The following POLB variants were observed in gnomAD, a reference collection of about 807,000 sequenced individuals.
POLB encodes 5'-dRP lyase.
A neutral mutation model predicts 52.7 loss-of-function variants in POLB; 37 were observed. The ratio of observed to expected loss-of-function variants is 0.70; its 90% CI spans 0.54 to 0.92. The LOEUF is 0.92. Among genes scored for constraint, POLB ranks in the 40% least tolerant of loss-of-function variants. The probability of loss-of-function intolerance (pLI) is 0.00; values close to 1 mark genes in which losing one functional copy is unlikely to be tolerated. For missense variants in POLB, 313 were observed against 400.8 expected (o/e 0.78, Z 1.87); for synonymous variants, 138 against 131.3 (o/e 1.05, Z -0.35).
chr8:42,345,052 C>G (rs367961767), intron 3 of POLB, 33 bp downstream of exon 3: 198 of 1,467,098 alleles, frequency 1.3e-4, no homozygotes, highest in Non-Finnish European at 1.8e-4. Context: ...TCGAAGAGTT[C>G]ACACGTGTCC....
rs139985822 is a variant in POLB at position 42,348,093 on chromosome 8, G to A, written c.187-923G>A. On this transcript the variant is annotated intron_variant, in intron 3 of 13. Coordinates refer to ENST00000265421, the MANE Select transcript of POLB (RefSeq NM_002690.3). Reference sequence around the variant, plus strand: ...CTCATTTACTACCCATGAAAGTGTTGGTTGTTACAGCCTTTCTGAAGGCTG... The same window carrying A: ...CTCATTTACTACCCATGAAAGTGTTAGTTGTTACAGCCTTTCTGAAGGCTG... Among the ~76,000 whole-genome samples, 4 of 152,264 alleles carry A rather than the reference G, an allele frequency of 2.6e-5. No individual in the cohort carries two copies. In the East Asian group the frequency reaches 7.7e-4, roughly 29 times the overall value.
intron 9 of POLB, 49 bp from the exon 10 acceptor site, chr8:42,361,246 A>G (rs775035924): frequency 1.2e-5 from 17 of 1,363,524 alleles, no homozygotes; most frequent in Admixed American, 1.0e-4. Context: ...CATTTGCCCA[A>G]TTGATACATT....
intron 6 of POLB, 132 bp from the exon 7 acceptor site, chr8:42,355,384 T>G: frequency 3.2e-6 from 2 of 627,900 alleles, no homozygotes; most frequent in South Asian, 4.3e-5. Context: ...AATTTTTGTC[T>G]CATTGTGTTT....
At chr8:42,359,928 A>G (rs998001695) in intron 9 of POLB, among the ~76,000 whole-genome samples, 8 of 151,694 alleles carry the variant, frequency 5.3e-5, no homozygotes, top group Non-Finnish European at 1.2e-4. Flanking sequence ...GATGTCCAGT[A>G]CACATTCAGT....
At chr8:42,363,810 G>C (rs1227188791) in intron 11 of POLB, among the ~76,000 whole-genome samples, 1 of 152,098 alleles carries the variant, frequency 6.6e-6, no homozygotes, top group Non-Finnish European at 1.5e-5. Flanking sequence ...AAGTTGATTG[G>C]GGGGGAATTA....
Position 42,350,046 on chromosome 8 carries a change from A to T in POLB, c.301A>T (p.Thr101Ser), listed in dbSNP as rs1822877475. 2 of 1,605,480 alleles carry T rather than the reference A, an allele frequency of 1.2e-6. No individual in the cohort carries two copies. The highest frequency in any genetic ancestry group is 1.7e-6 in the Non-Finnish European group (2 of 1,172,500). Residue 101 changes from threonine (T) to serine (S), a missense_variant, in exon 5 of 14, where the codon ACT (threonine) becomes TCT (serine). Transcript: ENST00000265421. Reference protein sequence around the residue: ...DDTSSSINFLTRVSGIGPSAA... With the variant: ...DDTSSSINFLSRVSGIGPSAA... The stretch of plus-strand genomic sequence containing the variant: ...TACGAGTTCATCCATCAATTTCCTG[A>T]CTCGAGTTAGTGGCATTGGGTAAGA...
At chr8:42,350,669 T>C (rs529972100) in intron 5 of POLB, among the ~76,000 whole-genome samples, 15 of 152,286 alleles carry the variant, frequency 9.8e-5, no homozygotes, top group African/African-American at 3.6e-4. Flanking sequence ...AAGATTAACA[T>C]TGAAATATTA....
At chr8:42,358,735 T>C (rs957511272) in intron 9 of POLB, among the ~76,000 whole-genome samples, 4 of 152,164 alleles carry the variant, frequency 2.6e-5, no homozygotes, top group Admixed American at 2.0e-4. Context: ...AGAAAGAACA[T>C]TGGACTGGGG....
At chr8:42,345,805 A>G (rs528574543) in intron 3 of POLB, among the ~76,000 whole-genome samples, 4 of 152,194 alleles carry the variant, frequency 2.6e-5, no homozygotes, top group Admixed American at 1.3e-4. Context: ...GAGATGGTCT[A>G]TCTATTGACA....
At chr8:42,339,153 G>A in intron 2 of POLB, 84 bp downstream of exon 2, 1 of 1,043,266 alleles carries the variant, frequency 9.6e-7, no homozygotes, top group Non-Finnish European at 1.5e-6. Flanking sequence ...AGGGCCCAGT[G>A]GATATTTGGT....
chr8:42,350,560 C>A (rs969102200), intron 5 of POLB, among the ~76,000 whole-genome samples: 1 of 151,956 alleles, frequency 6.6e-6, no homozygotes, highest in Non-Finnish European at 1.5e-5. Context: ...TATAGGTGCA[C>A]GCCCCCTTGC....
At chr8:42,355,694 T>G in intron 7 of POLB, 127 bp downstream of exon 7, 1 of 619,838 alleles carries the variant, frequency 1.6e-6, no homozygotes, top group East Asian at 2.8e-5. Context: ...TCAGAAGTGC[T>G]AAGATTTGTG....
chr8:42,341,291 C>T (rs1822188050), intron 2 of POLB, among the ~76,000 whole-genome samples: 1 of 152,222 alleles, frequency 6.6e-6, no homozygotes, highest in Non-Finnish European at 1.5e-5. Context: ...CCCTTTTAGG[C>T]TTTGCCTCAC....
At chr8:42,339,367 A>G (rs929347791) in intron 2 of POLB, 6 of 412,746 alleles carry the variant, frequency 1.5e-5, no homozygotes, top group African/African-American at 1.0e-4. Flanking sequence ...AAGACAGCGG[A>G]TGAAGTCCAT....
chr8:42,363,064 G>A (rs181765736), intron 11 of POLB, among the ~76,000 whole-genome samples: 32 of 151,598 alleles, frequency 2.1e-4, no homozygotes, highest in African/African-American at 6.3e-4. Context: ...ACGGAGGTGC[G>A]GTGAGCATAG....
chr8:42,350,397 A>G (rs796731152), intron 5 of POLB, among the ~76,000 whole-genome samples: 16 of 152,208 alleles, frequency 1.1e-4, no homozygotes, highest in African/African-American at 3.9e-4. Context: ...TTCTCTGAGC[A>G]TGATATTTAT....
chr8:42,352,076 A>G lies in POLB; in HGVS notation c.321-443A>G, dbSNP rs1490314911. On this transcript the variant is annotated intron_variant, in intron 5 of 13. Transcript: ENST00000265421. ...GACCTTCTACCACTCAGTCTAAAGTAGGACCCAGCCATTCTGTCATATTCT... is the reference window on the plus strand; with the variant it reads ...GACCTTCTACCACTCAGTCTAAAGTGGGACCCAGCCATTCTGTCATATTCT... Among the ~76,000 whole-genome samples the G allele has an allele frequency of 2.0e-5, 3 of 152,252 alleles. No homozygotes were observed. The East Asian group carries it at 5.8e-4, about 29-fold the overall frequency.
chr8:42,357,750 CAG>C (rs1189729948), intron 9 of POLB: 1 of 158,526 alleles, frequency 6.3e-6, no homozygotes, highest in Non-Finnish European at 1.3e-5. Context: ...TTTTTTGAGA[CAG>C]AGTCTCACTC....
Position 42,349,041 on chromosome 8 carries a change from A to G in POLB, c.212A>G (p.Glu71Gly), listed in dbSNP as rs147215490. 1.6e-3 allele frequency: 2,552 copies of G among 1,605,724 alleles called. 23 individuals are homozygous for G. The highest frequency in any genetic ancestry group is 1.5e-3 in the Middle Eastern group (9 of 6,032). ...KLPGVGTKIA[E>G]KIDEFLATGK... ...CCTGGAGTAGGAACAAAAATTGCTG[A>G]AAAGATTGATGAGTTTTTAGCAACT... Residue 71 changes from glutamate to glycine, a missense_variant, in exon 4 of 14, where the codon GAA becomes GGA. By Grantham distance (98) the Glu-to-Gly change is moderately conservative. Around this residue, in one of 3 missense-constraint regions of POLB, gnomAD observed 13 missense variants for 39.8 expected, o/e 0.33. Transcript: ENST00000265421.
Sources: gnomAD v4.1 joint callset for allele counts (sites outside exome capture counted in the v4.1 genomes callset) on GRCh38, gnomAD v4.1.1 for gene constraint, gnomAD v4.1.1 regional missense constraint, MANE v1.5 for transcripts, NCBI Gene and HGNC (gene_info 2026-07-23, HGNC 2026-07-21) for gene names.